Variants in AMMECR1L observed in about 807,000 individuals in gnomAD.
AMMECR1L encodes AMMECR1-like protein.
In AMMECR1L, 4 loss-of-function variants were observed where a neutral mutation model predicts 36.8. The observed-to-expected ratio is 0.11, with a 90% CI of 0.05 to 0.25. The LOEUF is 0.25. Ranked by LOEUF, AMMECR1L falls within the 10% of genes least tolerant of loss-of-function variation. The pLI, the probability that AMMECR1L is intolerant of heterozygous loss-of-function variation, is 1.00. For synonymous variants in AMMECR1L, 147 were observed against 148.0 expected, an observed-to-expected ratio of 0.99 and a Z score of 0.05; for missense variants, 232 against 392.1, an observed-to-expected ratio of 0.59 and a Z score of 3.45.
Position 127,871,230 on chromosome 2 carries a change from TA to T in AMMECR1L, c.518+18del. 1 of 1,611,168 alleles carries T rather than the reference TA, an allele frequency of 6.2e-7. No homozygotes were observed. The highest frequency in any genetic ancestry group is 8.5e-7 in the Non-Finnish European group (1 of 1,177,424). On this transcript the variant is annotated intron_variant, in intron 4 of 7. Transcript: ENST00000272647. This position sits in a 1 kb window ranked among gnomAD's most constrained non-coding sequence, Gnocchi z 4.3. Reference sequence around the variant, plus strand: ...TTCTAGCCAATTTATCTACAGTTCTTAATGTCTGGTGTCATTACCTGGTTAA... The same window carrying T: ...TTCTAGCCAATTTATCTACAGTTCTTATGTCTGGTGTCATTACCTGGTTAA...
intron 6 of AMMECR1L, chr2:127,867,225 C>G: frequency 1.0e-6 from 1 of 985,456 alleles, no homozygotes; most frequent in Non-Finnish European, 1.2e-6. Context: ...AATGGCTGTC[C>G]CCAGGCTCCC....
intron 6 of AMMECR1L, among the ~76,000 whole-genome samples, chr2:127,868,250 T>G (rs1258223723): frequency 1.3e-5 from 2 of 152,144 alleles, no homozygotes; most frequent in Non-Finnish European, 2.9e-5. Context: ...TGCTCCGAAG[T>G]TTTTATTTTT....
chr2:127,865,234 G>A lies in AMMECR1L; in HGVS notation c.822-29C>T, dbSNP rs777868138. The A allele has an allele frequency of 6.5e-7, 1 of 1,537,564 alleles. No homozygotes were observed. Among genetic ancestry groups the A allele is most frequent in the South Asian group, 1.1e-5 (1 of 87,064 alleles). ...TATGAGGAAACAGGAAAGGGTATTA[G>A]GAACCCCAAACGCTTCATTTTGTAA... On this transcript the variant is annotated intron_variant, in intron 7 of 7. Transcript: ENST00000272647. The surrounding 1 kb of genome is among the most constrained non-coding windows in gnomAD (Gnocchi z 5.4).
chr2:127,867,090 G>C, intron 6 of AMMECR1L, 94 bp from the exon 7 acceptor site: 2 of 1,563,138 alleles, frequency 1.3e-6, no homozygotes, highest in South Asian at 2.3e-5. Flanking sequence ...TGGGACTCGA[G>C]AAGCAGCCGA....
In AMMECR1L at chr2:127,869,001, G is replaced by A. The variant is rs747109173; in HGVS notation, c.724+453C>T. Among the ~76,000 whole-genome samples the A allele has an allele frequency of 1.3e-5, 2 of 152,166 alleles. No individual in the cohort carries two copies. Among genetic ancestry groups the A allele is most frequent in the Admixed American group, 6.5e-5 (1 of 15,270 alleles). On this transcript the variant is annotated intron_variant, in intron 6 of 7. Coordinates refer to ENST00000272647, the MANE Select transcript of AMMECR1L (RefSeq NM_001199140.2). The surrounding 1 kb of genome is among the most constrained non-coding windows in gnomAD (Gnocchi z 4.7). ...GCCTCCCAAAATGCTGGGATTATAGGAGTAAGCCACCACGCCTGGCCGACT... is the reference window on the plus strand; with the variant it reads ...GCCTCCCAAAATGCTGGGATTATAGAAGTAAGCCACCACGCCTGGCCGACT...
rs1376847899 is a variant in AMMECR1L, at chr2:127,871,095, G to C, written c.518+154C>G. On this transcript the variant is annotated intron_variant, in intron 4 of 7. Coordinates refer to ENST00000272647, the MANE Select transcript of AMMECR1L (RefSeq NM_001199140.2). This position sits in a 1 kb window ranked among gnomAD's most constrained non-coding sequence, Gnocchi z 4.3. ...TCGATGCTATTAACTGTCTGTACTT[G>C]AACTGATAACTGACTCACCAGATTA... is the stretch of plus-strand genomic sequence containing the variant. Among the ~76,000 whole-genome samples the C allele has an allele frequency of 6.6e-6, 1 of 152,140 alleles. No individual in the cohort carries two copies. Among genetic ancestry groups the C allele is most frequent in the Non-Finnish European group, 1.5e-5 (1 of 68,032 alleles).
chr2:127,864,193 T>C lies in AMMECR1L; in HGVS notation c.*901A>G, dbSNP rs1003751468. ...CCCAACTCAATCGCTTGTTTGCACA[T>C]CTACGCTTCTGAGAACTTAGGTCCA... is the stretch of plus-strand genomic sequence containing the variant. On this transcript the variant is annotated 3_prime_UTR_variant, in exon 8 of 8. Coordinates refer to ENST00000272647, the MANE Select transcript of AMMECR1L (RefSeq NM_001199140.2). 6.5e-6 allele frequency: 1 copy of C among 152,674 alleles called. No homozygotes were observed. The highest frequency in any genetic ancestry group is 2.4e-5 in the African/African-American group (1 of 41,444). 9.5% of individuals were successfully genotyped at this position (152,674 alleles called of 1,614,324 possible). A position where few individuals can be genotyped will look rare whatever the true frequency, so the allele number is the denominator to read the frequency against.
chr2:127,885,836 G>A lies in AMMECR1L; in HGVS notation c.-175C>T, dbSNP rs1223166764. The A allele has an allele frequency of 2.0e-6, 2 of 985,394 alleles. No individual in the cohort carries two copies. The highest frequency in any genetic ancestry group is 1.7e-5 in the African/African-American group (1 of 57,182). The allele number at this position is 985,394 out of a possible 1,614,324, so 61.0% of individuals were successfully genotyped here. On this transcript the variant is annotated 5_prime_UTR_variant, in exon 1 of 8. Coordinates refer to ENST00000272647, the MANE Select transcript of AMMECR1L (RefSeq NM_001199140.2). ...TTTTCTCCTGGCCCAGACGCGGCTG[G>A]GGCGGACGGGACCTCTCGCGCTCTG...
intron 2 of AMMECR1L, among the ~76,000 whole-genome samples, chr2:127,878,315 C>G (rs184471944): frequency 1.9e-4 from 29 of 152,250 alleles, no homozygotes; most frequent in African/African-American, 7.0e-4. Context: ...GCTAGAGATA[C>G]AGGTCAGATG....
intron 5 of AMMECR1L, among the ~76,000 whole-genome samples, chr2:127,870,039 G>C (rs982517260): frequency 6.6e-6 from 1 of 152,038 alleles, no homozygotes; most frequent in African/African-American, 2.4e-5. Context: ...ACAAATGGCT[G>C]GGCATGGTGG....
intron 2 of AMMECR1L, among the ~76,000 whole-genome samples, chr2:127,877,685 A>G (rs1691313259): frequency 6.6e-6 from 1 of 152,200 alleles, no homozygotes; most frequent in African/African-American, 2.4e-5. Context: ...TATGGCCTGG[A>G]ACTACAAGAA....
chr2:127,871,416 C>G lies in AMMECR1L; in HGVS notation c.408-57G>C. 6.5e-7 allele frequency: 1 copy of G among 1,548,584 alleles called. No individual in the cohort carries two copies. Among genetic ancestry groups the G allele is most frequent in the Non-Finnish European group, 8.8e-7 (1 of 1,138,772 alleles). On this transcript the variant is annotated intron_variant, in intron 3 of 7. Transcript: ENST00000272647. This position sits in a 1 kb window ranked among gnomAD's most constrained non-coding sequence, Gnocchi z 4.3. ...GCCCCAAATTAATCATGGATAAGAA[C>G]AAAACCTTTTGGCTTTGTCCCTATT...
intron 6 of AMMECR1L, among the ~76,000 whole-genome samples, chr2:127,867,841 C>T (rs564933912): frequency 2.0e-5 from 3 of 152,282 alleles, no homozygotes; most frequent in African/African-American, 2.4e-5. Context: ...GAAGGGCAGA[C>T]AAGTTGCTCA....
rs1691080845 is a variant in AMMECR1L, at chr2:127,873,436, GTC to G, written c.407+390_407+391del. 1 of 985,450 alleles carries G rather than the reference GTC, an allele frequency of 1.0e-6. No homozygotes were observed. The highest frequency in any genetic ancestry group is 1.2e-6 in the Non-Finnish European group (1 of 829,942). The allele number at this position is 985,450 out of a possible 1,614,324, so 61.0% of individuals were successfully genotyped here. A position where few individuals can be genotyped will look rare whatever the true frequency, so the allele number is the denominator to read the frequency against. The stretch of plus-strand genomic sequence containing the variant: ...AGATCCCAGTGAATGAGAGCTCCTA[GTC>G]TCCAGCCTGGCCCTCAGACTTCCAA... On this transcript the variant is annotated intron_variant, in intron 3 of 7. Transcript: ENST00000272647. This position sits in a 1 kb window ranked among gnomAD's most constrained non-coding sequence, Gnocchi z 5.2.
intron 5 of AMMECR1L, among the ~76,000 whole-genome samples, chr2:127,870,509 C>T (rs1354783860): frequency 6.6e-6 from 1 of 151,928 alleles, no homozygotes; most frequent in African/African-American, 2.4e-5. Flanking sequence ...AACTTTTACT[C>T]CAGGGCTTGC....
intron 1 of AMMECR1L, chr2:127,885,377 G>A (rs1691717584): frequency 1.0e-6 from 1 of 979,924 alleles, no homozygotes; most frequent in Admixed American, 6.4e-5. Context: ...CTTGGGCCGA[G>A]CCGCGGGGGT....
chr2:127,869,364 G>A lies in AMMECR1L; in HGVS notation c.724+90C>T. 1.1e-5 allele frequency: 14 copies of A among 1,232,016 alleles called. No individual in the cohort carries two copies. The highest frequency in any genetic ancestry group is 1.7e-5 in the Non-Finnish European group (14 of 837,990). 76.3% of individuals were successfully genotyped at this position (1,232,016 alleles called of 1,614,324 possible). ...GGCCCTCATTCTCAGCTGCAGTTGG[G>A]CTGCAAGATGACACACTTCACTTTC... On this transcript the variant is annotated intron_variant, in intron 6 of 7. Transcript: ENST00000272647. The surrounding 1 kb of genome is among the most constrained non-coding windows in gnomAD (Gnocchi z 4.7).
chr2:127,885,670 C>A (rs1226142595), intron 1 of AMMECR1L, 140 bp downstream of exon 1: 1 of 983,682 alleles, frequency 1.0e-6, no homozygotes, highest in Non-Finnish European at 1.2e-6. Context: ...CCCGGACCCT[C>A]GCCCCAGGAC....
In AMMECR1L at chr2:127,873,629, C is replaced by T; in HGVS notation, c.407+199G>A. 1.0e-6 allele frequency: 1 copy of T among 985,490 alleles called. No homozygotes were observed. Among genetic ancestry groups the T allele is most frequent in the African/African-American group, 1.7e-5 (1 of 57,370 alleles). 61.0% of individuals were successfully genotyped at this position (985,490 alleles called of 1,614,324 possible). A position where few individuals can be genotyped will look rare whatever the true frequency, so the allele number is the denominator to read the frequency against. On this transcript the variant is annotated intron_variant, in intron 3 of 7. Coordinates refer to ENST00000272647, the MANE Select transcript of AMMECR1L (RefSeq NM_001199140.2). This position sits in a 1 kb window ranked among gnomAD's most constrained non-coding sequence, Gnocchi z 5.2. ...TTAACAACAAGCCTACAGCCTCCTC[C>T]AAATGTGAACTGCTCCCTTCCATTA...
Sources: gnomAD v4.1 joint callset for allele counts (sites outside exome capture counted in the v4.1 genomes callset) on GRCh38, gnomAD v4.1.1 for gene constraint, Gnocchi (gnomAD v3.1) non-coding constraint, MANE v1.5 for transcripts, NCBI Gene and HGNC (gene_info 2026-07-23, HGNC 2026-07-21) for gene names.